Variants in PLA2G15 observed in about 807,000 individuals in gnomAD.
The protein encoded by PLA2G15 is phospholipase A2 group XV.
A neutral mutation model predicts 40.9 loss-of-function variants in PLA2G15; 20 were observed. The observed-to-expected ratio is 0.49, with a 90% CI of 0.34 to 0.71. The LOEUF (loss-of-function observed/expected upper bound fraction) is 0.71, where lower values mean the gene tolerates loss of function less well. Ranked by LOEUF, PLA2G15 falls within the 30% of genes least tolerant of loss-of-function variation. PLA2G15 has a pLI of 0.01. For missense variants in PLA2G15, 471 were observed against 541.9 expected, an observed-to-expected ratio of 0.87 and a Z score of 1.30; for synonymous variants, 223 against 228.2, an observed-to-expected ratio of 0.98 and a Z score of 0.21.
At position 68,258,658 on chromosome 16, in the gene PLA2G15, T is replaced by G. The variant is rs1009578601; in HGVS notation, c.728-488T>G. ...TTAGCCCAGGCGTGGTGGGACGTGC[T>G]TGTAGTTCCAGCTATGCAGGAGGCT... On this transcript the variant is annotated intron_variant, in intron 5 of 5. Transcript: ENST00000219345. 2.0e-5 allele frequency among the ~76,000 whole-genome samples: 3 copies of G among 152,144 alleles called. No homozygotes were observed. The East Asian group carries it at 5.8e-4, about 29-fold the overall frequency.
At chr16:68,258,973 AAG>A (rs1414296514) in intron 5 of PLA2G15, 171 bp from the exon 6 acceptor site, 5 of 609,630 alleles carry the variant, frequency 8.2e-6, no homozygotes, top group Non-Finnish European at 1.4e-5. Flanking sequence ...AAGAAAAAAA[AAG>A]AGCCAAGGCA....
chr16:68,245,485 T>C lies in PLA2G15; in HGVS notation c.59T>C (p.Leu20Pro). 6.2e-7 allele frequency: 1 copy of C among 1,606,546 alleles called. No individual in the cohort carries two copies. Among genetic ancestry groups the C allele is most frequent in the Middle Eastern group, 1.7e-4 (1 of 6,060 alleles). ...CTGCTCCCGGATGGCCTCCTGTTCCTCTTGCTGCTGCTAATGCTGCTCGCG... is the reference window on the plus strand; with the variant it reads ...CTGCTCCCGGATGGCCTCCTGTTCCCCTTGCTGCTGCTAATGCTGCTCGCG... ...VGLLPDGLLF[L>P]LLLLMLLADP... Residue 20 changes from leucine (L) to proline (P), a missense_variant, in exon 1 of 6, where the codon CTC becomes CCC. Transcript: ENST00000219345.
At chr16:68,250,230 G>T (rs1214928476) in intron 2 of PLA2G15, 1 of 297,638 alleles carries the variant, frequency 3.4e-6, no homozygotes, top group Non-Finnish European at 6.3e-6. Flanking sequence ...GCCCAGGCTG[G>T]AGTGCAATGG....
At chr16:68,250,003 C>T (rs1360473024) in intron 2 of PLA2G15, among the ~76,000 whole-genome samples, 1 of 151,844 alleles carries the variant, frequency 6.6e-6, no homozygotes, top group African/African-American at 2.4e-5. Context: ...GTGTCCCAGC[C>T]CCTATTCAGA....
rs1388709011 is a variant in PLA2G15 at position 68,259,835 on chromosome 16, G to A, written c.*178G>A. The A allele has an allele frequency of 1.6e-6, 1 of 627,588 alleles. No homozygotes were observed. The highest frequency in any genetic ancestry group is 2.8e-6 in the Non-Finnish European group (1 of 361,976). The allele number at this position is 627,588 out of a possible 1,614,324, so 38.9% of individuals were successfully genotyped here. A position where few individuals can be genotyped will look rare whatever the true frequency, so the allele number is the denominator to read the frequency against. Reference sequence around the variant, plus strand: ...GTTATCCTTTCTCTGTGGCAGTGAAGAAGGAAGAAATGAGAGTCTAGACTC... The same window carrying A: ...GTTATCCTTTCTCTGTGGCAGTGAAAAAGGAAGAAATGAGAGTCTAGACTC... On this transcript the variant is annotated 3_prime_UTR_variant, in exon 6 of 6. Coordinates refer to ENST00000219345, the MANE Select transcript of PLA2G15 (RefSeq NM_012320.4). This position sits in a 1 kb window ranked among gnomAD's most constrained non-coding sequence, Gnocchi z 6.5.
At chr16:68,257,573 A>G (rs2042412643) in intron 5 of PLA2G15, among the ~76,000 whole-genome samples, 1 of 152,074 alleles carries the variant, frequency 6.6e-6, no homozygotes, top group African/African-American at 2.4e-5. Flanking sequence ...GACTTGGGGG[A>G]GGCTTATGGA....
intron 2 of PLA2G15, chr16:68,252,584 T>G (rs1204885047): frequency 2.2e-6 from 1 of 456,030 alleles, no homozygotes; most frequent in Non-Finnish European, 4.4e-6. Flanking sequence ...TCCTGTCTGG[T>G]TCTGTTTGGC....
In PLA2G15 at chr16:68,255,714, T is replaced by C. The variant is rs531179657; in HGVS notation, c.503-52T>C. ...GTCTGGCCTGAGAAAAGCTCAGTGG[T>C]TCCGGCTCCAGGACCCTTCCCACCT... On this transcript the variant is annotated intron_variant, in intron 4 of 5. Transcript: ENST00000219345. This position sits in a 1 kb window ranked among gnomAD's most constrained non-coding sequence, Gnocchi z 5.9. 97 of 1,478,542 alleles carry C rather than the reference T, an allele frequency of 6.6e-5. No individual in the cohort carries two copies. In the African/African-American group the frequency reaches 1.2e-3, roughly 18 times the overall value. The allele number at this position is 1,478,542 out of a possible 1,614,324, so 91.6% of individuals were successfully genotyped here. A position where few individuals can be genotyped will look rare whatever the true frequency, so the allele number is the denominator to read the frequency against.
chr16:68,250,143 C>T (rs2042341498), intron 2 of PLA2G15, among the ~76,000 whole-genome samples: 1 of 150,246 alleles, frequency 6.7e-6, no homozygotes, highest in Admixed American at 6.6e-5. Context: ...TCTATTTCTA[C>T]ACCCTTTGCC....
chr16:68,249,399 G>A lies in PLA2G15; in HGVS notation c.237G>A (p.Leu79=). 1 of 1,614,156 alleles carries A rather than the reference G, an allele frequency of 6.2e-7. No homozygotes were observed. Residue 79 remains leucine (L), a synonymous_variant, in exon 2 of 6, where the codon CTG becomes CTA. Transcript: ENST00000219345. The stretch of plus-strand genomic sequence containing the variant: ...GCTACTTCACAATCTGGCTGAACCT[G>A]GAACTGCTGCTGCCTGTCATCATTG... The part of the protein sequence containing the change: ...TESYFTIWLN[L]ELLLPVIIDC...
Position 68,255,274 on chromosome 16 carries a change from G to C in PLA2G15, c.404-8G>C. ...ATCTTTTCTTATCCTCTGTATTTCT[G>C]TCTACAGGTTCCTATTTCCACACCA... On this transcript the variant is annotated splice_polypyrimidine_tract_variant and splice_region_variant and intron_variant, in intron 3 of 5. Transcript: ENST00000219345. This position sits in a 1 kb window ranked among gnomAD's most constrained non-coding sequence, Gnocchi z 5.9. 3.1e-6 allele frequency: 5 copies of C among 1,600,092 alleles called. No individual in the cohort carries two copies. Among genetic ancestry groups the C allele is most frequent in the Non-Finnish European group, 3.4e-6 (4 of 1,167,516 alleles).
chr16:68,259,968 G>A lies in PLA2G15; in HGVS notation c.*311G>A. ...GCCCTGGTCCCAGTCCCTGCCTGGG[G>A]CCATGTGTCCCCCCTATTCCTGTGG... is the stretch of plus-strand genomic sequence containing the variant. On this transcript the variant is annotated 3_prime_UTR_variant, in exon 6 of 6. Transcript: ENST00000219345. This position sits in a 1 kb window ranked among gnomAD's most constrained non-coding sequence, Gnocchi z 6.5. The A allele has an allele frequency of 2.4e-6, 1 of 425,100 alleles. No homozygotes were observed. The highest frequency in any genetic ancestry group is 2.7e-5 in the South Asian group (1 of 37,560). 26.3% of individuals were successfully genotyped at this position (425,100 alleles called of 1,614,324 possible). A position where few individuals can be genotyped will look rare whatever the true frequency, so the allele number is the denominator to read the frequency against.
chr16:68,246,988 C>T (rs928634856), intron 1 of PLA2G15, among the ~76,000 whole-genome samples: 2 of 152,132 alleles, frequency 1.3e-5, no homozygotes, highest in African/African-American at 2.4e-5. Flanking sequence ...CAAAATGGCA[C>T]ATAGCCATTT....
At position 68,251,489 on chromosome 16, in the gene PLA2G15, G is replaced by A. The variant is rs531103422; in HGVS notation, c.284+2043G>A. Among the ~76,000 whole-genome samples the A allele has an allele frequency of 1.1e-3, 171 of 152,136 alleles. 3 individuals carry two copies. In the South Asian group the frequency reaches 0.033, roughly 29 times the overall value. On this transcript the variant is annotated intron_variant, in intron 2 of 5. Coordinates refer to ENST00000219345, the MANE Select transcript of PLA2G15 (RefSeq NM_012320.4). ...GAGGTCAGGAGTTCGAGACTAGCCC[G>A]GCCAACACAGTGAAACCCTGTCTCT... is the stretch of plus-strand genomic sequence containing the variant.
chr16:68,247,535 T>A (rs979359776), intron 1 of PLA2G15, among the ~76,000 whole-genome samples: 1 of 152,154 alleles, frequency 6.6e-6, no homozygotes, highest in African/African-American at 2.4e-5. Context: ...GCAAAGCAGA[T>A]CTGGTGACTT....
At chr16:68,246,869 G>C (rs2042313665) in intron 1 of PLA2G15, among the ~76,000 whole-genome samples, 1 of 152,174 alleles carries the variant, frequency 6.6e-6, no homozygotes, top group Non-Finnish European at 1.5e-5. Flanking sequence ...ACTTGTGACT[G>C]GTTGGGTCAT....
intron 2 of PLA2G15, among the ~76,000 whole-genome samples, chr16:68,251,636 C>T (rs1355040724): frequency 2.0e-5 from 3 of 151,628 alleles, no homozygotes; most frequent in Admixed American, 6.6e-5. Context: ...GAGCTGAGAT[C>T]GTGCCATTGT....
intron 2 of PLA2G15, chr16:68,252,721 A>G (rs1288168336): frequency 2.5e-6 from 1 of 405,724 alleles, no homozygotes; most frequent in Non-Finnish European, 5.0e-6. Context: ...TAATCCCAGC[A>G]CTTTGGGAGG....
chr16:68,245,586 T>A, intron 1 of PLA2G15, 33 bp downstream of exon 1: 1 of 1,550,628 alleles, frequency 6.4e-7, no homozygotes. Context: ...GATCTGTCGG[T>A]CGGGCGGGAC....
Sources: gnomAD v4.1 joint callset for allele counts (sites outside exome capture counted in the v4.1 genomes callset) on GRCh38, gnomAD v4.1.1 for gene constraint, Gnocchi (gnomAD v3.1) non-coding constraint, MANE v1.5 for transcripts, NCBI Gene and HGNC (gene_info 2026-07-23, HGNC 2026-07-21) for gene names.